The following PCDHGA3 variants were observed in gnomAD, a reference collection of about 807,000 sequenced individuals.
The protein encoded by PCDHGA3 is protocadherin gamma-A3.
A neutral mutation model predicts 58.5 loss-of-function variants in PCDHGA3; 40 were observed. That is an observed-to-expected ratio of 0.68 (90% CI 0.53 to 0.89). The LOEUF (loss-of-function observed/expected upper bound fraction) is 0.89. PCDHGA3 is among the 40% of genes least tolerant of loss of function. PCDHGA3 has a pLI of 0.00. For synonymous variants in PCDHGA3, 530 were observed against 525.7 expected (o/e 1.01, Z -0.11); for missense variants, 1,223 against 1,195.9 (o/e 1.02, Z -0.33).
chr5:141,406,159 A>G (rs1237857279), intron 1 of PCDHGA3, among the ~76,000 whole-genome samples: 3 of 151,234 alleles, frequency 2.0e-5, no homozygotes, highest in Non-Finnish European at 2.9e-5. Context: ...TGCAGTCTCA[A>G]TCTCCTGGGC....
At chr5:141,358,241 T>C (rs868124614) in intron 1 of PCDHGA3, among the ~76,000 whole-genome samples, 7 of 152,318 alleles carry the variant, frequency 4.6e-5, no homozygotes, top group South Asian at 2.1e-4. Context: ...CCTTTTCTCT[T>C]AGGTGTTCCT....
chr5:141,437,765 G>C (rs1561886251), intron 1 of PCDHGA3, among the ~76,000 whole-genome samples: 1 of 148,074 alleles, frequency 6.8e-6, no homozygotes, highest in African/African-American at 2.5e-5. Flanking sequence ...TTGAGACAGA[G>C]TCTCAATCTG....
At chr5:141,436,959 G>A (rs1385958934) in intron 1 of PCDHGA3, among the ~76,000 whole-genome samples, 1 of 152,120 alleles carries the variant, frequency 6.6e-6, no homozygotes, top group Non-Finnish European at 1.5e-5. Context: ...TCTAAACAAG[G>A]ATCTTGTGAA....
chr5:141,373,392 A>G (rs1769542024), intron 1 of PCDHGA3, among the ~76,000 whole-genome samples: 1 of 152,218 alleles, frequency 6.6e-6, no homozygotes, highest in Non-Finnish European at 1.5e-5. Context: ...TTTGTGTAGC[A>G]TATGCCTGTA....
chr5:141,492,546 G>A (rs2154587552), intron 1 of PCDHGA3, among the ~76,000 whole-genome samples: 1 of 152,336 alleles, frequency 6.6e-6, no homozygotes, highest in East Asian at 1.9e-4. Flanking sequence ...GCTGGGCCGG[G>A]TCGCCTGGGG....
intron 2 of PCDHGA3, among the ~76,000 whole-genome samples, chr5:141,504,351 G>C (rs77439649): frequency 0.021 from 3,233 of 152,120 alleles, 109 homozygotes; most frequent in African/African-American, 0.075. Context: ...CTTTGTGCTA[G>C]GTGCTTCAGT....
At chr5:141,478,788 T>A (rs576491824) in intron 1 of PCDHGA3, 147 of 1,473,736 alleles carry the variant, frequency 1.0e-4, no homozygotes, top group Non-Finnish European at 1.3e-4. Context: ...CTAATTCACA[T>A]CCTCAGCACT....
At chr5:141,375,485 G>C (rs1478417043) in intron 1 of PCDHGA3, 1 of 1,613,678 alleles carries the variant, frequency 6.2e-7, no homozygotes, top group African/African-American at 1.3e-5. Flanking sequence ...CAACCCCAGG[G>C]GTGCCTCCAT....
chr5:141,433,208 C>CTTT, intron 1 of PCDHGA3: 2 of 1,293,022 alleles, frequency 1.5e-6, no homozygotes, highest in Non-Finnish European at 2.1e-6. Context: ...AATCTTCTTT[C>CTTT]TTTTTTTTTT....
In PCDHGA3 at chr5:141,493,511, T is replaced by G. The variant is rs1203329648; in HGVS notation, c.2425-1296T>G. Among the ~76,000 whole-genome samples the G allele has an allele frequency of 6.6e-6, 1 of 152,094 alleles. No individual in the cohort carries two copies. Reference sequence around the variant, plus strand: ...TCTGTGGCTCCTCATTTCTGAGCAGTCCCCGCAGCGCAAACTTGGCCAGTT... The same window carrying G: ...TCTGTGGCTCCTCATTTCTGAGCAGGCCCCGCAGCGCAAACTTGGCCAGTT... On this transcript the variant is annotated intron_variant, in intron 1 of 3. Coordinates refer to ENST00000253812, the MANE Select transcript of PCDHGA3 (RefSeq NM_018916.4). This position sits in a 1 kb window ranked among gnomAD's most constrained non-coding sequence, Gnocchi z 4.3.
intron 1 of PCDHGA3, among the ~76,000 whole-genome samples, chr5:141,458,557 G>A (rs1258900717): frequency 6.9e-6 from 1 of 143,954 alleles, no homozygotes; most frequent in Non-Finnish European, 1.5e-5. Context: ...TGTTTGTTTT[G>A]GTTTTGGGTT....
At chr5:141,366,586 C>T in intron 1 of PCDHGA3, 1 of 1,614,262 alleles carries the variant, frequency 6.2e-7, no homozygotes, top group Non-Finnish European at 8.5e-7. Flanking sequence ...TCCTGCAGAC[C>T]TATTCCCACG....
intron 1 of PCDHGA3, chr5:141,351,899 T>C (rs1415684229): frequency 1.9e-6 from 3 of 1,613,280 alleles, no homozygotes; most frequent in Non-Finnish European, 2.5e-6. Context: ...CCTGCGCGTG[T>C]TGGTGGGCGA....
chr5:141,487,530 T>C lies in PCDHGA3; in HGVS notation c.2425-7277T>C. The stretch of plus-strand genomic sequence containing the variant: ...GCACCCACTCGGAGTGATAGCTTCA[T>C]GATGGTGAAGTCACCCAGTGCACCT... On this transcript the variant is annotated intron_variant, in intron 1 of 3. Coordinates refer to ENST00000253812, the MANE Select transcript of PCDHGA3 (RefSeq NM_018916.4). This position sits in a 1 kb window ranked among gnomAD's most constrained non-coding sequence, Gnocchi z 5.0. The C allele has an allele frequency of 6.2e-7, 1 of 1,614,218 alleles. No individual in the cohort carries two copies. The highest frequency in any genetic ancestry group is 8.5e-7 in the Non-Finnish European group (1 of 1,180,040).
chr5:141,412,942 A>G, intron 1 of PCDHGA3: 1 of 465,476 alleles, frequency 2.1e-6, no homozygotes, highest in Non-Finnish European at 3.8e-6. Flanking sequence ...TAGGACTCTG[A>G]GCGCCGCTGT....
At chr5:141,372,376 AC>A (rs1371288225) in intron 1 of PCDHGA3, 1 of 1,613,960 alleles carries the variant, frequency 6.2e-7, no homozygotes, top group Admixed American at 1.7e-5. Flanking sequence ...GTCATGCTGC[AC>A]CTAATCTTCG....
intron 1 of PCDHGA3, chr5:141,478,479 C>T (rs750055106): frequency 1.9e-6 from 3 of 1,613,550 alleles, no homozygotes; most frequent in Admixed American, 1.7e-5. Context: ...CGCCAGAACA[C>T]GCTGCGGAGC....
chr5:141,438,254 A>G (rs916664408), intron 1 of PCDHGA3, among the ~76,000 whole-genome samples: 1 of 152,170 alleles, frequency 6.6e-6, no homozygotes, highest in Non-Finnish European at 1.5e-5. Context: ...CTGTCATTGA[A>G]GAGACCATAG....
chr5:141,478,956 T>C (rs2099484450), intron 1 of PCDHGA3, among the ~76,000 whole-genome samples: 1 of 152,200 alleles, frequency 6.6e-6, no homozygotes. Context: ...AACTACCTCA[T>C]TCCTCCACCT....
Sources: allele counts gnomAD v4.1 joint callset (sites outside exome capture counted in the v4.1 genomes callset), GRCh38; gene constraint gnomAD v4.1.1; non-coding constraint Gnocchi (gnomAD v3.1); transcripts MANE v1.5; gene names NCBI Gene and HGNC (gene_info 2026-07-23, HGNC 2026-07-21).